Variants in ACAP2 observed in about 807,000 individuals in gnomAD.
The protein encoded by ACAP2 is ArfGAP with coiled-coil, ankyrin repeat and PH domains 2, also known as arf-GAP with coiled-coil, ANK repeat and PH domain-containing protein 2.
ACAP2 carries 39 observed loss-of-function variants against 115.8 expected under a neutral mutation model. The observed-to-expected ratio is 0.34, with a 90% CI of 0.26 to 0.44. The LOEUF is 0.44. Among genes scored for constraint, ACAP2 ranks in the 20% least tolerant of loss-of-function variants. The probability of loss-of-function intolerance (pLI) is 1.00; values close to 1 mark genes in which losing one functional copy is unlikely to be tolerated. For missense variants in ACAP2, 662 were observed against 927.6 expected (o/e 0.71, Z 3.72); for synonymous variants, 289 against 315.8 (o/e 0.92, Z 0.90).
chr3:195,295,763 C>T lies in ACAP2; in HGVS notation c.1617G>A (p.Leu539=), dbSNP rs895712477. Residue 539 remains leucine, a synonymous_variant, in exon 17 of 23, where the codon CTG becomes CTA. Coordinates refer to ENST00000326793, the MANE Select transcript of ACAP2 (RefSeq NM_012287.6). ...FVSKSSEEKR[L]SISKFGPGDQ... Reference sequence around the variant, plus strand: ...CCCCTGGCCCAAATTTAGAAATGCTCAGCCTCTTTTCTTCAGAACTTTTAG... The same window carrying T: ...CCCCTGGCCCAAATTTAGAAATGCTTAGCCTCTTTTCTTCAGAACTTTTAG... The T allele has an allele frequency of 6.2e-7, 1 of 1,614,110 alleles. No individual in the cohort carries two copies. The highest frequency in any genetic ancestry group is 1.7e-5 in the Admixed American group (1 of 60,018).
At chr3:195,361,705 AAAG>A (rs1318585027) in intron 4 of ACAP2, among the ~76,000 whole-genome samples, 1 of 152,048 alleles carries the variant, frequency 6.6e-6, no homozygotes, top group East Asian at 1.9e-4. Context: ...ATGAAATTAA[AAAG>A]AAGAAAACAA....
At chr3:195,385,160 C>T (rs1271164795) in intron 2 of ACAP2, among the ~76,000 whole-genome samples, 1 of 151,744 alleles carries the variant, frequency 6.6e-6, no homozygotes, top group Non-Finnish European at 1.5e-5. Flanking sequence ...TGCCTGTAAG[C>T]CCAATACTTT....
At chr3:195,386,650 G>A (rs1734324985) in intron 2 of ACAP2, among the ~76,000 whole-genome samples, 1 of 152,154 alleles carries the variant, frequency 6.6e-6, no homozygotes. Flanking sequence ...CAGGTGCGGG[G>A]CAAGGGGAGG....
At chr3:195,303,113 G>C (rs1728177109) in intron 13 of ACAP2, among the ~76,000 whole-genome samples, 1 of 152,186 alleles carries the variant, frequency 6.6e-6, no homozygotes, top group Non-Finnish European at 1.5e-5. Context: ...CTACTCAGGA[G>C]GCTGAGACAT....
At chr3:195,327,342 G>C (rs1052255636) in intron 8 of ACAP2, among the ~76,000 whole-genome samples, 1 of 152,114 alleles carries the variant, frequency 6.6e-6, no homozygotes, top group African/African-American at 2.4e-5. Context: ...GAAGACACTA[G>C]TGACTTCTTT....
intron 10 of ACAP2, among the ~76,000 whole-genome samples, chr3:195,317,527 A>G (rs1354401609): frequency 6.6e-6 from 1 of 152,186 alleles, no homozygotes; most frequent in African/African-American, 2.4e-5. Context: ...TGAATAAAAG[A>G]TAATCACTGA....
chr3:195,372,489 A>C (rs1444184404), intron 4 of ACAP2, among the ~76,000 whole-genome samples: 1 of 152,214 alleles, frequency 6.6e-6, no homozygotes, highest in African/African-American at 2.4e-5. Flanking sequence ...ACAAGACCTC[A>C]GCAGCGACCT....
At chr3:195,380,559 C>T (rs1234723812) in intron 4 of ACAP2, among the ~76,000 whole-genome samples, 1 of 152,056 alleles carries the variant, frequency 6.6e-6, no homozygotes, top group African/African-American at 2.4e-5. Context: ...ATCTTAAACA[C>T]ACATATAAAT....
chr3:195,299,869 A>G (rs1727915418), intron 15 of ACAP2, among the ~76,000 whole-genome samples: 1 of 152,154 alleles, frequency 6.6e-6, no homozygotes, highest in Non-Finnish European at 1.5e-5. Flanking sequence ...AAAAATATCA[A>G]GAGTTAGGCA....
At chr3:195,434,153 T>G (rs1470145382) in intron 1 of ACAP2, among the ~76,000 whole-genome samples, 1 of 152,186 alleles carries the variant, frequency 6.6e-6, no homozygotes, top group Non-Finnish European at 1.5e-5. Flanking sequence ...GATCTCGAAC[T>G]CCTGGACGCA....
intron 9 of ACAP2, among the ~76,000 whole-genome samples, chr3:195,323,809 C>CAA (rs112375217): frequency 3.4e-4 from 49 of 144,462 alleles, no homozygotes; most frequent in South Asian, 1.3e-3. Flanking sequence ...TTAATGGATA[C>CAA]AAAAAAAAAA....
Position 195,278,233 on chromosome 3 carries a change from A to C in ACAP2, c.*1095T>G, listed in dbSNP as rs1479500947. ...TGTGAATCATGTAACCGAATACTAA[A>C]GCTATATACACGATATAATTTAAAA... On this transcript the variant is annotated 3_prime_UTR_variant, in exon 23 of 23. Transcript: ENST00000326793. 1 of 152,222 alleles carries C rather than the reference A, an allele frequency of 6.6e-6. No individual in the cohort carries two copies. The highest frequency in any genetic ancestry group is 2.4e-5 in the African/African-American group (1 of 41,456). The allele number at this position is 152,222 out of a possible 1,614,324, so 9.4% of individuals were successfully genotyped here.
chr3:195,337,850 T>C (rs1226202520), intron 6 of ACAP2, among the ~76,000 whole-genome samples: 1 of 149,034 alleles, frequency 6.7e-6, no homozygotes, highest in African/African-American at 2.4e-5. Context: ...CCTACCTACC[T>C]TACCTCTTCG....
At position 195,295,396 on chromosome 3, in the gene ACAP2, T is replaced by C. The variant is rs140206317; in HGVS notation, c.1672+312A>G. 1.5e-4 allele frequency: 100 copies of C among 665,116 alleles called. 1 individual carries two copies. The East Asian group carries it at 4.1e-3, about 27-fold the overall frequency. 41.2% of individuals were successfully genotyped at this position (665,116 alleles called of 1,614,324 possible). A position where few individuals can be genotyped will look rare whatever the true frequency, so the allele number is the denominator to read the frequency against. On this transcript the variant is annotated intron_variant, in intron 17 of 22. Transcript: ENST00000326793. The stretch of plus-strand genomic sequence containing the variant: ...TGGGAAAAAATTTAGGAGGAAAAAA[T>C]AGGAAGGAAATCAGGTAGTTAATCA...
intron 3 of ACAP2, 34 bp downstream of exon 3, chr3:195,381,869 T>G (rs185671287): frequency 2.0e-4 from 320 of 1,566,598 alleles, no homozygotes; most frequent in Admixed American, 1.3e-3. Flanking sequence ...TGCTTTTTTT[T>G]TTCATTTTTA....
In ACAP2 at chr3:195,428,957, G is replaced by A. The variant is rs747091886; in HGVS notation, c.53+13838C>T. Among the ~76,000 whole-genome samples the A allele has an allele frequency of 1.9e-4, 29 of 152,084 alleles. 1 individual carries two copies. Among genetic ancestry groups the A allele is most frequent in the Admixed American group, 1.6e-3 (25 of 15,258 alleles). On this transcript the variant is annotated intron_variant, in intron 1 of 22. Coordinates refer to ENST00000326793, the MANE Select transcript of ACAP2 (RefSeq NM_012287.6). ...ATCTTAAGAGAAATGAAAACCTACC[G>A]TAAGAAAATTTGTATAAGAATGTTC...
intron 4 of ACAP2, among the ~76,000 whole-genome samples, chr3:195,345,887 T>C (rs1166184877): frequency 1.3e-5 from 2 of 152,206 alleles, no homozygotes; most frequent in Non-Finnish European, 2.9e-5. Context: ...CCAACTTAAA[T>C]GATGCCATAT....
At chr3:195,324,685 C>T (rs1394775688) in intron 9 of ACAP2, among the ~76,000 whole-genome samples, 2 of 151,922 alleles carry the variant, frequency 1.3e-5, no homozygotes, top group Admixed American at 6.6e-5. Flanking sequence ...ACCCAGGAGG[C>T]GGAGGTTGTA....
chr3:195,382,296 T>C (rs1733997464), intron 2 of ACAP2, among the ~76,000 whole-genome samples: 1 of 152,178 alleles, frequency 6.6e-6, no homozygotes, highest in Non-Finnish European at 1.5e-5. Context: ...AAGTAAACTG[T>C]ATGATAGCTT....
Sources: gnomAD v4.1 joint callset for allele counts (sites outside exome capture counted in the v4.1 genomes callset) on GRCh38, gnomAD v4.1.1 for gene constraint, MANE v1.5 for transcripts, NCBI Gene and HGNC (gene_info 2026-07-23, HGNC 2026-07-21) for gene names.